Variants in ZNF469 observed in about 807,000 individuals in gnomAD.
The protein encoded by ZNF469 is zinc finger protein 469.
Under a neutral mutation model 1.0 loss-of-function variants are expected in ZNF469, and 1 was observed. That is an observed-to-expected ratio of 1.00 (90% CI 0.35 to 4.73). ZNF469 has a LOEUF of 4.73. ZNF469 is among the 30% of genes most tolerant of loss of function. The probability of loss-of-function intolerance (pLI) is 0.16; values close to 1 mark genes in which losing one functional copy is unlikely to be tolerated. For missense variants in ZNF469, 6,100 were observed against 5,356.3 expected (o/e 1.14, Z -4.33); for synonymous variants, 2,703 against 2,363.4 (o/e 1.14, Z -4.17).
chr16:88,437,006 T>C lies in ZNF469; in HGVS notation c.9536T>C (p.Met3179Thr), dbSNP rs1014947577. ...AAGGCCGGGCCCTGGGCGTGCGGCA[T>C]GTGCCTGAAGGAGGTGGCCGACGTC... is the stretch of plus-strand genomic sequence containing the variant. ...QSKAGPWACG[M>T]CLKEVADVWM... The change falls in exon 3 of 3, where the codon ATG (methionine) becomes ACG (threonine). Residue 3179 changes from methionine to threonine, a missense_variant. Coordinates refer to ENST00000565624, the MANE Select transcript of ZNF469 (RefSeq NM_001367624.2). The C allele has an allele frequency of 2.6e-6, 4 of 1,523,850 alleles. No homozygotes were observed. The highest frequency in any genetic ancestry group is 3.5e-6 in the Non-Finnish European group (4 of 1,137,890). 94.4% of individuals were successfully genotyped at this position (1,523,850 alleles called of 1,614,324 possible). A position where few individuals can be genotyped will look rare whatever the true frequency, so the allele number is the denominator to read the frequency against.
chr16:88,366,936 T>C, the ZNF469 span, among the ~76,000 whole-genome samples: 2 of 152,082 alleles, frequency 1.3e-5, no homozygotes, highest in South Asian at 2.1e-4. Context: ...ATCATCATTA[T>C]GAGCAATAAC....
the ZNF469 span, among the ~76,000 whole-genome samples, chr16:88,169,639 C>A: frequency 8.7e-4 from 132 of 152,368 alleles, no homozygotes; most frequent in African/African-American, 3.1e-3. This position sits in a 1 kb window ranked among gnomAD's most constrained non-coding sequence, Gnocchi z 6.1. Context: ...CCGGGTCTGC[C>A]AACTGGACAC....
the ZNF469 span, among the ~76,000 whole-genome samples, chr16:88,305,003 T>A: frequency 1.3e-5 from 2 of 152,218 alleles, no homozygotes; most frequent in East Asian, 3.9e-4. Context: ...ACTGGATGAT[T>A]TAGGAGCCTA....
At chr16:88,331,188 G>C in the ZNF469 span, among the ~76,000 whole-genome samples, 1 of 106,334 alleles carries the variant, frequency 9.4e-6, no homozygotes, top group Non-Finnish European at 1.9e-5. Flanking sequence ...CACCACCGTC[G>C]TCACCATCAC....
the ZNF469 span, among the ~76,000 whole-genome samples, chr16:88,215,702 TA>T: frequency 6.6e-6 from 1 of 151,538 alleles, no homozygotes. Context: ...CCTTTTTTTT[TA>T]AATCAATAAA....
the ZNF469 span, among the ~76,000 whole-genome samples, chr16:88,145,297 C>T: frequency 6.6e-6 from 1 of 152,238 alleles, no homozygotes; most frequent in South Asian, 2.1e-4. Context: ...AACACACACA[C>T]ATAATGAATG....
intron 1 of ZNF469, among the ~76,000 whole-genome samples, chr16:88,416,364 G>A (rs1052133255): frequency 2.6e-5 from 4 of 152,336 alleles, no homozygotes; most frequent in Non-Finnish European, 4.4e-5. Flanking sequence ...CTGCCCGGGC[G>A]TCCTCATCTG....
the ZNF469 span, among the ~76,000 whole-genome samples, chr16:88,204,628 G>C: frequency 6.6e-6 from 1 of 152,244 alleles, no homozygotes; most frequent in African/African-American, 2.4e-5. Context: ...GCCTTGGCCA[G>C]AATGCAGGAG....
the ZNF469 span, among the ~76,000 whole-genome samples, chr16:88,243,208 C>G: frequency 6.6e-6 from 1 of 152,182 alleles, no homozygotes; most frequent in African/African-American, 2.4e-5. Flanking sequence ...TAGAATGGCA[C>G]CCACCTGAGA....
the ZNF469 span, among the ~76,000 whole-genome samples, chr16:88,275,068 T>C: frequency 6.6e-6 from 1 of 152,182 alleles, no homozygotes; most frequent in Non-Finnish European, 1.5e-5. Flanking sequence ...CCCACCCCCA[T>C]GTCTGTGGGC....
At chr16:88,333,911 T>C in the ZNF469 span, among the ~76,000 whole-genome samples, 2 of 139,590 alleles carry the variant, frequency 1.4e-5, no homozygotes, top group African/African-American at 5.0e-5. Flanking sequence ...TTTGTGCATC[T>C]GTGTGTGTCT....
intron 1 of ZNF469, among the ~76,000 whole-genome samples, chr16:88,413,222 C>T (rs1418382711): frequency 2.6e-5 from 4 of 152,250 alleles, no homozygotes; most frequent in Admixed American, 2.6e-4. Flanking sequence ...GCACGAGAGG[C>T]CGGGACCAAG....
intron 1 of ZNF469, among the ~76,000 whole-genome samples, chr16:88,398,173 T>C (rs1329962191): frequency 6.6e-6 from 1 of 152,240 alleles, no homozygotes; most frequent in Non-Finnish European, 1.5e-5. Context: ...AACGTGCAGC[T>C]CTTTAGAGTG....
the ZNF469 span, among the ~76,000 whole-genome samples, chr16:88,170,496 A>C: frequency 6.6e-6 from 1 of 152,152 alleles, no homozygotes; most frequent in African/African-American, 2.4e-5. The surrounding 1 kb of genome is among the most constrained non-coding windows in gnomAD (Gnocchi z 4.2). Context: ...CAGTGAGTTC[A>C]ACTTTTTTAG....
the ZNF469 span, among the ~76,000 whole-genome samples, chr16:88,351,639 C>T: frequency 3.9e-5 from 6 of 152,184 alleles, no homozygotes; most frequent in Non-Finnish European, 5.9e-5. Flanking sequence ...CGTGCTGTGG[C>T]GGCCGCCCTG....
chr16:88,352,996 C>G, the ZNF469 span, among the ~76,000 whole-genome samples: 1 of 152,150 alleles, frequency 6.6e-6, no homozygotes, highest in Admixed American at 6.5e-5. Context: ...TTCTCAGGCC[C>G]AGCAAGTTGG....
At chr16:88,229,539 GCGTGTGGATGTCACA>G in the ZNF469 span, among the ~76,000 whole-genome samples, 2 of 150,634 alleles carry the variant, frequency 1.3e-5, no homozygotes, top group African/African-American at 2.4e-5. Context: ...CTGATGTCAC[GCGTGTGGATGTCACA>G]CGTGTGGATG....
At chr16:88,171,819 G>C in the ZNF469 span, among the ~76,000 whole-genome samples, 5 of 152,164 alleles carry the variant, frequency 3.3e-5, no homozygotes, top group African/African-American at 1.2e-4. Context: ...TCTTTAAAAT[G>C]TGGGAATGAA....
At chr16:88,131,920 G>C in the ZNF469 span, among the ~76,000 whole-genome samples, 731 of 152,336 alleles carry the variant, frequency 4.8e-3, 9 homozygotes, top group African/African-American at 0.017. Flanking sequence ...GCTCTGGGTG[G>C]GATGCTGCCT....
Sources: gnomAD v4.1 joint callset for allele counts (sites outside exome capture counted in the v4.1 genomes callset) on GRCh38, gnomAD v4.1.1 for gene constraint, Gnocchi (gnomAD v3.1) non-coding constraint, MANE v1.5 for transcripts, NCBI Gene and HGNC (gene_info 2026-07-23, HGNC 2026-07-21) for gene names.